The following NT5DC4 variants were observed in gnomAD, a reference collection of about 807,000 sequenced individuals.
NT5DC4 encodes 5'-nucleotidase domain containing 4, also known as 5'-nucleotidase domain-containing protein 4.
Under a neutral mutation model 26.6 loss-of-function variants are expected in NT5DC4, and 44 were observed. The ratio of observed to expected loss-of-function variants is 1.65; its 90% CI spans 1.30 to 2.13. The LOEUF (loss-of-function observed/expected upper bound fraction) is 2.13. NT5DC4 is among the 30% of genes most tolerant of loss of function. The probability of loss-of-function intolerance (pLI) is 0.00; values close to 1 mark genes in which losing one functional copy is unlikely to be tolerated. For synonymous variants in NT5DC4, 157 were observed against 86.7 expected (o/e 1.81, Z -4.51); for missense variants, 399 against 228.1 (o/e 1.75, Z -4.83).
At chr2:112,729,969 T>G (rs867249746) in intron 16 of NT5DC4, among the ~76,000 whole-genome samples, 1 of 152,212 alleles carries the variant, frequency 6.6e-6, no homozygotes, top group Non-Finnish European at 1.5e-5. Context: ...ATTGTATCGA[T>G]GAATTTCAAT....
At chr2:112,734,465 A>G (rs1418464182) in intron 16 of NT5DC4, among the ~76,000 whole-genome samples, 2 of 152,006 alleles carry the variant, frequency 1.3e-5, no homozygotes, top group African/African-American at 2.4e-5. Context: ...CCAGATTTCT[A>G]TCTTTATCTT....
chr2:112,741,550 A>G (rs1679965921), downstream of NT5DC4, among the ~76,000 whole-genome samples: 1 of 152,252 alleles, frequency 6.6e-6, no homozygotes, highest in African/African-American at 2.4e-5. Context: ...CACTGTGGCT[A>G]GAGGCTGACA....
In NT5DC4 at chr2:112,725,414, G is replaced by T. The variant is rs1465178806; in HGVS notation, c.1015G>T (p.Val339Phe). Residue 339 changes from valine (V) to phenylalanine (F), a missense_variant, in exon 13 of 17, where the codon GTT becomes TTT. By Grantham distance (50) the Val-to-Phe change is conservative. Transcript: ENST00000688554. ...GGACATGGTGTGCGAGCTGCTTGGG[G>T]TTCGGGGGATGGACATCCTGTACAT... ...SSDMVCELLG[V>F]RGMDILYIGD... 2 of 715,084 alleles carry T rather than the reference G, an allele frequency of 2.8e-6. No individual in the cohort carries two copies. The highest frequency in any genetic ancestry group is 3.0e-5 in the South Asian group (2 of 67,506). The allele number at this position is 715,084 out of a possible 1,614,324, so 44.3% of individuals were successfully genotyped here.
chr2:112,729,060 A>C (rs58694576), intron 15 of NT5DC4, among the ~76,000 whole-genome samples: 92 of 152,020 alleles, frequency 6.1e-4, no homozygotes, highest in Non-Finnish European at 1.1e-3. Context: ...GAACACACCA[A>C]CCCCCCATCC....
chr2:112,741,015 T>C (rs910339737), downstream of NT5DC4: 3 of 1,574,594 alleles, frequency 1.9e-6, no homozygotes, highest in Non-Finnish European at 2.6e-6. Flanking sequence ...TCCCTGTGTA[T>C]GTAAGATCAT....
At chr2:112,741,533 C>G (rs1679964497), downstream of NT5DC4, among the ~76,000 whole-genome samples, 2 of 152,218 alleles carry the variant, frequency 1.3e-5, no homozygotes, top group South Asian at 4.1e-4. Context: ...TCAGACTGTG[C>G]CAGGCACACT....
At chr2:112,740,028 G>C (rs1679788335), downstream of NT5DC4, among the ~76,000 whole-genome samples, 1 of 152,122 alleles carries the variant, frequency 6.6e-6, no homozygotes, top group Non-Finnish European at 1.5e-5. Context: ...AATCTTGGCA[G>C]ACTTGCCTGC....
In NT5DC4 at chr2:112,724,775, C is replaced by G. The variant is rs1558728538; in HGVS notation, c.790-6C>G. 1 of 716,946 alleles carries G rather than the reference C, an allele frequency of 1.4e-6. No homozygotes were observed. 44.4% of individuals were successfully genotyped at this position (716,946 alleles called of 1,614,324 possible). On this transcript the variant is annotated splice_polypyrimidine_tract_variant and splice_region_variant and intron_variant, in intron 10 of 16. Coordinates refer to ENST00000688554, the MANE Select transcript of NT5DC4 (RefSeq NM_001393655.1). The stretch of plus-strand genomic sequence containing the variant: ...TGTGTGTGCAGCCCGTGTGCACCCC[C>G]AACAGGCTGAAGCCTCGGGCAGGCC...
intron 16 of NT5DC4, among the ~76,000 whole-genome samples, chr2:112,736,020 C>T (rs770685634): frequency 2.6e-5 from 4 of 152,116 alleles, no homozygotes; most frequent in South Asian, 4.1e-4. Flanking sequence ...CATAAAACCA[C>T]CATAAAGAGA....
At chr2:112,725,649 T>C (rs1677608820) in intron 13 of NT5DC4, 97 bp downstream of exon 13, 2 of 577,610 alleles carry the variant, frequency 3.5e-6, no homozygotes, top group South Asian at 4.5e-5. Context: ...GGGTTAGTAG[T>C]TGTGACCAGG....
At chr2:112,723,868 TG>T (rs961150858) in intron 9 of NT5DC4, 66 bp downstream of exon 9, 3 of 679,716 alleles carry the variant, frequency 4.4e-6, no homozygotes, top group Middle Eastern at 4.7e-4. Flanking sequence ...ACAGTGGCAC[TG>T]CAAGCAACAG....
At chr2:112,719,926 CTTTCT>C (rs1558714760), upstream of NT5DC4, among the ~76,000 whole-genome samples, 1 of 16,862 alleles carries the variant, frequency 5.9e-5, no homozygotes, top group African/African-American at 1.7e-4. Context: ...CTTTCTTTCT[CTTTCT>C]TTCTTTCTTT....
rs1198387150 is a variant in NT5DC4 at position 112,724,899 on chromosome 2, G to T, written c.908G>T (p.Gly303Val). The change falls in exon 11 of 17, where the codon GGT becomes GTT. Residue 303 changes from glycine to valine, a missense_variant. Coordinates refer to ENST00000688554, the MANE Select transcript of NT5DC4 (RefSeq NM_001393655.1). The part of the protein sequence containing the change: ...VLRQVNTVMA[G>V]AEDSGKLHVG... The stretch of plus-strand genomic sequence containing the variant: ...AGGCAGGTCAACACGGTAATGGCAG[G>T]TGCAGAGGTCAGTCCACCTGCACCC... 9.8e-6 allele frequency: 7 copies of T among 716,860 alleles called. No individual in the cohort carries two copies. Among genetic ancestry groups the T allele is most frequent in the Non-Finnish European group, 1.8e-5 (7 of 385,018 alleles). The allele number at this position is 716,860 out of a possible 1,614,324, so 44.4% of individuals were successfully genotyped here.
chr2:112,722,161 C>T (rs564023581), intron 3 of NT5DC4, 22 bp from the exon 4 acceptor site: 2 of 582,430 alleles, frequency 3.4e-6, no homozygotes, highest in Non-Finnish European at 6.3e-6. Context: ...ACCCACAGTG[C>T]CCCCCGACCC....
At chr2:112,741,935 TTTCTG>T (rs1161382431), downstream of NT5DC4, among the ~76,000 whole-genome samples, 1 of 142,910 alleles carries the variant, frequency 7.0e-6, no homozygotes, top group East Asian at 2.1e-4. Context: ...TAATTTTTCT[TTTCTG>T]TTTTTTTTTT....
At chr2:112,728,693 G>A (rs1275992816) in intron 15 of NT5DC4, among the ~76,000 whole-genome samples, 1 of 152,146 alleles carries the variant, frequency 6.6e-6, no homozygotes, top group Non-Finnish European at 1.5e-5. Flanking sequence ...TCCTGCACTG[G>A]GCTGGGTGCT....
At chr2:112,736,906 A>C (rs555534004) in intron 16 of NT5DC4, 5 of 152,022 alleles carry the variant, frequency 3.3e-5, no homozygotes, top group African/African-American at 1.2e-4. Flanking sequence ...GTGAGTGCAG[A>C]TATCTTTATG....
chr2:112,741,926 A>G (rs1679994868), downstream of NT5DC4, among the ~76,000 whole-genome samples: 1 of 140,844 alleles, frequency 7.1e-6, no homozygotes, highest in Non-Finnish European at 1.5e-5. Flanking sequence ...ACAACTGGCT[A>G]ATTTTTCTTT....
At chr2:112,719,902 CTTTT>C (rs1301944232), upstream of NT5DC4, among the ~76,000 whole-genome samples, 5 of 86,924 alleles carry the variant, frequency 5.8e-5, no homozygotes, top group South Asian at 4.2e-4. Flanking sequence ...TTCTTTCTTT[CTTTT>C]TCTTTCTTTC....
Sources: allele counts gnomAD v4.1 joint callset (sites outside exome capture counted in the v4.1 genomes callset), GRCh38; gene constraint gnomAD v4.1.1; transcripts MANE v1.5; gene names NCBI Gene and HGNC (gene_info 2026-07-23, HGNC 2026-07-21).